Variants in BCAT1 observed in about 807,000 individuals in gnomAD.
BCAT1 encodes branched chain amino acid transaminase 1.
A neutral mutation model predicts 52.4 loss-of-function variants in BCAT1; 48 were observed. The ratio of observed to expected loss-of-function variants is 0.92; its 90% CI spans 0.73 to 1.16. The LOEUF (loss-of-function observed/expected upper bound fraction) is 1.16. Among genes scored for constraint, BCAT1 ranks in the 50% most tolerant of loss-of-function variants. BCAT1 has a pLI of 0.00. For missense variants in BCAT1, 451 were observed against 457.1 expected (o/e 0.99, Z 0.12); for synonymous variants, 167 against 161.3 (o/e 1.04, Z -0.27).
At chr12:24,926,974 G>C (rs1270584277) in intron 1 of BCAT1, among the ~76,000 whole-genome samples, 3 of 150,554 alleles carry the variant, frequency 2.0e-5, no homozygotes, top group Non-Finnish European at 4.4e-5. Flanking sequence ...AAAAACTGCA[G>C]ACAAATTTTT....
At chr12:24,834,227 T>C (rs1400063471) in intron 8 of BCAT1, 7 of 980,712 alleles carry the variant, frequency 7.1e-6, no homozygotes, top group East Asian at 2.3e-4. Context: ...ATTTGAGAAA[T>C]TGTATTGTAT....
chr12:24,923,798 T>G (rs1391202968), intron 1 of BCAT1, among the ~76,000 whole-genome samples: 1 of 152,202 alleles, frequency 6.6e-6, no homozygotes, highest in Non-Finnish European at 1.5e-5. Flanking sequence ...CACACCTGTC[T>G]GCAGAGGGAG....
intron 5 of BCAT1, among the ~76,000 whole-genome samples, chr12:24,863,609 A>C (rs1209243645): frequency 6.6e-6 from 1 of 152,234 alleles, no homozygotes; most frequent in Non-Finnish European, 1.5e-5. Flanking sequence ...AGTACTCAGG[A>C]GGTGCTACAG....
chr12:24,902,064 A>AGCGCTGCCCTGCACTTCCC, intron 1 of BCAT1, 179 bp from the exon 2 acceptor site: 3 of 1,527,762 alleles, frequency 2.0e-6, no homozygotes, highest in Non-Finnish European at 2.6e-6. Flanking sequence ...GTGTCTTGGG[A>AGCGCTGCCCTGCACTTCCC]GCGCTGCCCT....
chr12:24,898,417 G>C (rs1330143415), intron 2 of BCAT1, among the ~76,000 whole-genome samples: 4 of 150,164 alleles, frequency 2.7e-5, no homozygotes, highest in Middle Eastern at 3.2e-3. Context: ...TTCAAAGTTT[G>C]CAGTTGGGTA....
intron 5 of BCAT1, among the ~76,000 whole-genome samples, chr12:24,874,802 A>C (rs1347816283): frequency 6.6e-6 from 1 of 152,224 alleles, no homozygotes; most frequent in Admixed American, 6.5e-5. Flanking sequence ...AATGTTCTAT[A>C]AACACAGCAA....
At chr12:24,918,837 A>G (rs1943458655) in intron 1 of BCAT1, among the ~76,000 whole-genome samples, 1 of 152,124 alleles carries the variant, frequency 6.6e-6, no homozygotes, top group African/African-American at 2.4e-5. Context: ...CAAGAGCACA[A>G]GTTTTGCATG....
chr12:24,868,862 T>G (rs1942099736), intron 5 of BCAT1, among the ~76,000 whole-genome samples: 1 of 152,198 alleles, frequency 6.6e-6, no homozygotes, highest in Admixed American at 6.5e-5. Context: ...ACACAGAAGC[T>G]AGCCACAGAC....
intron 1 of BCAT1, among the ~76,000 whole-genome samples, chr12:24,934,591 T>C (rs989583896): frequency 5.3e-5 from 8 of 152,224 alleles, no homozygotes; most frequent in African/African-American, 1.7e-4. Context: ...TTAACTCTTG[T>C]CACCCAGGCT....
chr12:24,902,715 G>A lies in BCAT1; in HGVS notation c.7-830C>T, dbSNP rs532971842. 11 of 621,006 alleles carry A rather than the reference G, an allele frequency of 1.8e-5. No individual in the cohort carries two copies. In the East Asian group the frequency reaches 2.4e-4, roughly 14 times the overall value. 38.5% of individuals were successfully genotyped at this position (621,006 alleles called of 1,614,324 possible). A position where few individuals can be genotyped will look rare whatever the true frequency, so the allele number is the denominator to read the frequency against. The stretch of plus-strand genomic sequence containing the variant: ...CGCTCCGGAGCGGGTTACCCATGAG[G>A]GTGCTAGACCTGGGCAGCGGGAACC... On this transcript the variant is annotated intron_variant, in intron 1 of 10. Transcript: ENST00000261192.
Position 24,864,221 on chromosome 12 carries a change from T to C in BCAT1, c.511-14272A>G, listed in dbSNP as rs557192011. Among the ~76,000 whole-genome samples, 161 of 152,302 alleles carry C rather than the reference T, an allele frequency of 1.1e-3. 1 individual carries two copies. Among genetic ancestry groups the C allele is most frequent in the Middle Eastern group, 0.01 (3 of 294 alleles). On this transcript the variant is annotated intron_variant, in intron 5 of 10. Coordinates refer to ENST00000261192, the MANE Select transcript of BCAT1 (RefSeq NM_005504.7). ...GGTTATTATCGCACCAGGAATGACC[T>C]CAAAACCAAGATCTCCTCACTGGCT...
chr12:24,947,973 C>T (rs974960493), intron 1 of BCAT1, among the ~76,000 whole-genome samples: 1 of 152,168 alleles, frequency 6.6e-6, no homozygotes, highest in Non-Finnish European at 1.5e-5. Flanking sequence ...GCAACAAAGG[C>T]GCTATTTACA....
intron 3 of BCAT1, among the ~76,000 whole-genome samples, chr12:24,887,061 T>TAAAAAAAAAA (rs1171691492): frequency 0.059 from 445 of 7,550 alleles, 121 homozygotes; most frequent in Admixed American, 0.077. Flanking sequence ...AGATGCTAGC[T>TAAAAAAAAAA]AAAAAAAAAA....
chr12:24,825,131 G>GTC (rs1940332933), intron 10 of BCAT1, among the ~76,000 whole-genome samples: 1 of 60,710 alleles, frequency 1.6e-5, no homozygotes, highest in Non-Finnish European at 3.2e-5. Context: ...GTGTGTGTGT[G>GTC]TGTGTATATA....
At chr12:24,855,400 G>C (rs962145730) in intron 5 of BCAT1, among the ~76,000 whole-genome samples, 2 of 151,976 alleles carry the variant, frequency 1.3e-5, no homozygotes, top group African/African-American at 4.8e-5. Context: ...TTTAGATGGA[G>C]TCTCAAGTCT....
chr12:24,926,800 AC>A (rs1266731419), intron 1 of BCAT1, among the ~76,000 whole-genome samples: 1 of 152,196 alleles, frequency 6.6e-6, no homozygotes, highest in Non-Finnish European at 1.5e-5. Context: ...AATCTCAAGT[AC>A]CCAGGGACAC....
At chr12:24,883,632 CAT>C (rs1942569319) in intron 3 of BCAT1, among the ~76,000 whole-genome samples, 1 of 152,064 alleles carries the variant, frequency 6.6e-6, no homozygotes. Flanking sequence ...ATTAAACTAC[CAT>C]ATGCTTCAGC....
intron 1 of BCAT1, among the ~76,000 whole-genome samples, chr12:24,911,809 G>A (rs1461020332): frequency 6.6e-6 from 1 of 152,176 alleles, no homozygotes; most frequent in Non-Finnish European, 1.5e-5. Flanking sequence ...AAAAAGGAGT[G>A]ACAGATGGAC....
intron 1 of BCAT1, among the ~76,000 whole-genome samples, chr12:24,915,344 A>T (rs528053638): frequency 6.6e-6 from 1 of 152,362 alleles, no homozygotes; most frequent in East Asian, 1.9e-4. Flanking sequence ...GCAAAGATCA[A>T]GAAAAAAATT....
Sources: allele counts gnomAD v4.1 joint callset (sites outside exome capture counted in the v4.1 genomes callset), GRCh38; gene constraint gnomAD v4.1.1; transcripts MANE v1.5; gene names NCBI Gene and HGNC (gene_info 2026-07-23, HGNC 2026-07-21).